Variants in RFT1 observed in about 807,000 individuals in gnomAD.
RFT1 encodes the protein RFT1 glycolipid translocator homolog.
Under a neutral mutation model 62.2 loss-of-function variants are expected in RFT1, and 43 were observed. The ratio of observed to expected loss-of-function variants is 0.69; its 90% confidence interval spans 0.54 to 0.89. The LOEUF (loss-of-function observed/expected upper bound fraction) is 0.89. Ranked by LOEUF, RFT1 falls within the 40% of genes least tolerant of loss-of-function variation. RFT1 has a pLI of 0.00. For missense variants in RFT1, 605 were observed against 649.9 expected (o/e 0.93, Z 0.75); for synonymous variants, 262 against 264.6 (o/e 0.99, Z 0.10).
At chr3:53,108,087 C>T (rs1260612227) in intron 7 of RFT1, among the ~76,000 whole-genome samples, 3 of 152,180 alleles carry the variant, frequency 2.0e-5, no homozygotes, top group Non-Finnish European at 2.9e-5. Flanking sequence ...CTTATTCTGT[C>T]GCCCAGGCTA....
At chr3:53,083,576 G>A (rs1393665287), downstream of RFT1, among the ~76,000 whole-genome samples, 1 of 152,092 alleles carries the variant, frequency 6.6e-6, no homozygotes, top group Non-Finnish European at 1.5e-5. Context: ...TGGAAGAAGT[G>A]CTGAACACAG....
intron 8 of RFT1, among the ~76,000 whole-genome samples, chr3:53,106,378 G>A (rs1212396120): frequency 6.6e-6 from 1 of 152,166 alleles, no homozygotes; most frequent in East Asian, 1.9e-4. Context: ...TCAAGATACA[G>A]AATGCTTCCA....
chr3:53,103,379 G>T, intron 10 of RFT1: 1 of 523,146 alleles, frequency 1.9e-6, no homozygotes, highest in Non-Finnish European at 2.5e-6. Flanking sequence ...CCTAACAAGT[G>T]CTGTGAGATC....
At chr3:53,072,522 G>T in the RFT1 span, among the ~76,000 whole-genome samples, 1 of 152,166 alleles carries the variant, frequency 6.6e-6, no homozygotes, top group African/African-American at 2.4e-5. Context: ...GAAGCTGGAG[G>T]ACCTGCTCTC....
Position 53,130,414 on chromosome 3 carries a change from G to A in RFT1, c.-14C>T. On this transcript the variant is annotated 5_prime_UTR_variant, in exon 1 of 13. Coordinates refer to ENST00000296292, the MANE Select transcript of RFT1 (RefSeq NM_052859.4). The stretch of plus-strand genomic sequence containing the variant: ...CTGGCTGCCCATAGCCTCCGCGCCA[G>A]GCTCAGACACCAGGAAATGCCGCCG... The A allele has an allele frequency of 1.9e-6, 3 of 1,551,352 alleles. No individual in the cohort carries two copies. The highest frequency in any genetic ancestry group is 4.9e-5 in the East Asian group (2 of 40,946).
Position 53,092,027 on chromosome 3 carries a change from T to C in RFT1, c.1502A>G (p.His501Arg). 1 of 1,614,260 alleles carries C rather than the reference T, an allele frequency of 6.2e-7. No individual in the cohort carries two copies. Among genetic ancestry groups the C allele is most frequent in the Non-Finnish European group, 8.5e-7 (1 of 1,180,050 alleles). ...CAGACAGAAGGCCCCCACAGCAATG[T>C]GTGCCAGTCTGGCTGGCCAGCCCTG... Reference protein sequence around the residue: ...CEQGWPARLAHIAVGAFCLGA... With the variant: ...CEQGWPARLARIAVGAFCLGA... Residue 501 changes from histidine to arginine, a missense_variant, in exon 13 of 13, where the codon CAC (histidine) becomes CGC (arginine). Transcript: ENST00000296292.
At chr3:53,105,540 A>C in intron 9 of RFT1, 133 bp downstream of exon 9, 6 of 1,143,886 alleles carry the variant, frequency 5.2e-6, no homozygotes, top group Non-Finnish European at 7.8e-6. Flanking sequence ...TATCATGAAG[A>C]ATGTAATAGA....
chr3:53,073,905 G>T, the RFT1 span, among the ~76,000 whole-genome samples: 425 of 152,316 alleles, frequency 2.8e-3, no homozygotes, highest in Non-Finnish European at 3.7e-3. Flanking sequence ...GGACATCGGA[G>T]TTCCAGGCCC....
intron 7 of RFT1, among the ~76,000 whole-genome samples, chr3:53,108,793 C>T (rs1462481769): frequency 3.3e-5 from 5 of 151,648 alleles, no homozygotes; most frequent in Non-Finnish European, 7.4e-5. Flanking sequence ...CTCTGCCTCC[C>T]GAGTAGCTGG....
intron 12 of RFT1, 67 bp from the exon 13 acceptor site, chr3:53,092,137 G>C: frequency 6.3e-7 from 1 of 1,584,160 alleles, no homozygotes; most frequent in Non-Finnish European, 8.6e-7. Context: ...GGACCAGCCA[G>C]GGAAGACAGC....
intron 10 of RFT1, among the ~76,000 whole-genome samples, chr3:53,101,985 C>T (rs1021644601): frequency 1.3e-5 from 2 of 150,400 alleles, no homozygotes; most frequent in East Asian, 2.0e-4. Context: ...TGCAGTGAGC[C>T]GAGATCACAC....
At chr3:53,095,027 G>A (rs2107079693) in intron 11 of RFT1, among the ~76,000 whole-genome samples, 1 of 150,724 alleles carries the variant, frequency 6.6e-6, no homozygotes, top group Admixed American at 6.6e-5. Flanking sequence ...CAGCACTTTG[G>A]GAGGCCGAGG....
chr3:53,076,752 A>G, the RFT1 span, among the ~76,000 whole-genome samples: 2 of 152,068 alleles, frequency 1.3e-5, no homozygotes, highest in African/African-American at 4.8e-5. Flanking sequence ...GGAGTTCAAG[A>G]CCAGCCTGGG....
At chr3:53,104,895 T>C (rs535724354) in intron 9 of RFT1, among the ~76,000 whole-genome samples, 2 of 152,356 alleles carry the variant, frequency 1.3e-5, no homozygotes, top group East Asian at 1.9e-4. Flanking sequence ...GCTCTGGGCA[T>C]GTCCCAGTTG....
chr3:53,120,008 G>A lies in RFT1; in HGVS notation c.572C>T (p.Thr191Ile), dbSNP rs771857417. The change falls in exon 6 of 13, where the codon ACA becomes ATA. Residue 191 changes from threonine (T) to isoleucine (I), a missense_variant. Physicochemically the swap from Thr to Ile is moderately conservative, Grantham distance 89. Transcript: ENST00000296292. The stretch of plus-strand genomic sequence containing the variant: ...AATAACATAGCAGAGCACCAGAACT[G>A]TGGTATAGAAAAGCTGAGAAAAAAA... ...IFSLAQLFYT[T>I]VLVLCYVIYF... The A allele has an allele frequency of 6.3e-7, 1 of 1,597,814 alleles. No homozygotes were observed. Among genetic ancestry groups the A allele is most frequent in the Admixed American group, 1.8e-5 (1 of 55,156 alleles).
the RFT1 span, among the ~76,000 whole-genome samples, chr3:53,069,898 G>C: frequency 1.1e-4 from 17 of 152,346 alleles, 1 homozygote; most frequent in Admixed American, 1.1e-3. Context: ...CAATTACAAG[G>C]ACTGAGGAGG....
At chr3:53,099,234 C>G (rs1487143975) in intron 11 of RFT1, 147 bp downstream of exon 11, 19 of 702,286 alleles carry the variant, frequency 2.7e-5, no homozygotes, top group Non-Finnish European at 4.9e-5. Context: ...ACAGAGATCC[C>G]AGGGGAGCAC....
At chr3:53,092,690 C>A in intron 11 of RFT1, 72 bp from the exon 12 acceptor site, 1 of 1,530,906 alleles carries the variant, frequency 6.5e-7, no homozygotes, top group Non-Finnish European at 8.9e-7. Flanking sequence ...AAACAGCGGC[C>A]ATGAACATCA....
chr3:53,071,085 G>T, the RFT1 span, among the ~76,000 whole-genome samples: 15 of 151,970 alleles, frequency 9.9e-5, no homozygotes, highest in Admixed American at 2.6e-4. Context: ...TAGAGGTGGG[G>T]TCTCACTAAG....
Sources: allele counts gnomAD v4.1 joint callset (sites outside exome capture counted in the v4.1 genomes callset), GRCh38; gene constraint gnomAD v4.1.1; transcripts MANE v1.5; gene names NCBI Gene and HGNC (gene_info 2026-07-23, HGNC 2026-07-21).